TMEM132B: variants seen among roughly 807,000 people sequenced by gnomAD.
TMEM132B encodes transmembrane protein 132B.
In TMEM132B, 18 loss-of-function variants were observed where a neutral mutation model predicts 90.8. The ratio of observed to expected loss-of-function variants is 0.20; its 90% CI spans 0.14 to 0.29. The LOEUF (loss-of-function observed/expected upper bound fraction) is 0.29, where lower values mean the gene tolerates loss of function less well. Among genes scored for constraint, TMEM132B ranks in the 10% least tolerant of loss-of-function variants. The pLI is 1.00. For missense variants in TMEM132B, 1,096 were observed against 1,326.8 expected (o/e 0.83, Z 2.70); for synonymous variants, 504 against 523.3 (o/e 0.96, Z 0.50).
At chr12:125,326,560 C>G (rs538645943) in intron 1 of TMEM132B, 1 of 1,546,588 alleles carries the variant, frequency 6.5e-7, no homozygotes. Context: ...GAATTAGGAA[C>G]TGGGGGGTGT....
At chr12:125,380,840 T>G (rs116841372) in intron 2 of TMEM132B, among the ~76,000 whole-genome samples, 1 of 152,332 alleles carries the variant, frequency 6.6e-6, no homozygotes, top group East Asian at 1.9e-4. Context: ...GTGACCCTGA[T>G]CCCTGGTTCT....
At chr12:125,295,864 A>G (rs546138398) in intron 1 of TMEM132B, among the ~76,000 whole-genome samples, 1 of 152,352 alleles carries the variant, frequency 6.6e-6, no homozygotes, top group African/African-American at 2.4e-5. Flanking sequence ...AAAACGATGC[A>G]TAACACAATC....
At chr12:125,508,490 G>GA (rs1231106842) in intron 3 of TMEM132B, among the ~76,000 whole-genome samples, 1 of 152,216 alleles carries the variant, frequency 6.6e-6, no homozygotes, top group Non-Finnish European at 1.5e-5. Context: ...CTGGTAACCA[G>GA]AGTGGCTTTC....
At chr12:125,363,147 A>G (rs1566013936) in intron 2 of TMEM132B, among the ~76,000 whole-genome samples, 2 of 152,230 alleles carry the variant, frequency 1.3e-5, no homozygotes, top group Non-Finnish European at 2.9e-5. Flanking sequence ...TGCTGGCTCA[A>G]ATCCTAACTT....
chr12:125,640,469 A>G (rs1313513614), intron 5 of TMEM132B, among the ~76,000 whole-genome samples: 2 of 152,134 alleles, frequency 1.3e-5, no homozygotes, highest in Non-Finnish European at 2.9e-5. Context: ...AGCTCAGGGG[A>G]GCAGTGAAGA....
intron 3 of TMEM132B, among the ~76,000 whole-genome samples, chr12:125,509,830 A>C (rs906790331): frequency 1.0e-4 from 15 of 149,694 alleles, no homozygotes; most frequent in Admixed American, 2.1e-4. Context: ...TCAGTCCTGC[A>C]TCCTCCGTGT....
At chr12:125,344,293 G>T (rs994858862) in intron 1 of TMEM132B, among the ~76,000 whole-genome samples, 3 of 152,334 alleles carry the variant, frequency 2.0e-5, no homozygotes, top group African/African-American at 7.2e-5. Flanking sequence ...AAGGGAATTA[G>T]TTACTCTGGT....
At chr12:125,296,391 A>G (rs1371596603) in intron 1 of TMEM132B, among the ~76,000 whole-genome samples, 1 of 152,192 alleles carries the variant, frequency 6.6e-6, no homozygotes, top group Non-Finnish European at 1.5e-5. Flanking sequence ...GTCTCTGCCC[A>G]GATCCCGTCT....
intron 4 of TMEM132B, among the ~76,000 whole-genome samples, chr12:125,559,200 T>C (rs1884462228): frequency 2.6e-5 from 4 of 152,108 alleles, no homozygotes; most frequent in Admixed American, 1.3e-4. Context: ...ACCCTCTCTC[T>C]ACAAAAAATT....
At chr12:125,402,217 T>A (rs1484346450) in intron 2 of TMEM132B, among the ~76,000 whole-genome samples, 1 of 152,218 alleles carries the variant, frequency 6.6e-6, no homozygotes, top group Non-Finnish European at 1.5e-5. Context: ...TGAGATGGAA[T>A]CTTGCTCTGT....
At chr12:125,386,313 A>G (rs1479578629) in intron 2 of TMEM132B, among the ~76,000 whole-genome samples, 1 of 152,166 alleles carries the variant, frequency 6.6e-6, no homozygotes, top group Non-Finnish European at 1.5e-5. Flanking sequence ...ATGCAGCAAG[A>G]GTCTAGATGG....
chr12:125,215,257 G>A (rs1873408228), intron 1 of TMEM132B, among the ~76,000 whole-genome samples: 1 of 152,184 alleles, frequency 6.6e-6, no homozygotes, highest in South Asian at 2.1e-4. Context: ...TGCAACATAG[G>A]GGCTTCAAAT....
intron 1 of TMEM132B, among the ~76,000 whole-genome samples, chr12:125,199,339 G>C (rs1050045296): frequency 6.6e-6 from 1 of 152,184 alleles, no homozygotes; most frequent in Admixed American, 6.5e-5. Context: ...CCAAGAATGC[G>C]TTGGATATCT....
chr12:125,416,018 C>T lies in TMEM132B; in HGVS notation c.1106+341C>T, dbSNP rs1002947412. The stretch of plus-strand genomic sequence containing the variant: ...AGGGTAGCTTTAGCTATTGGACATT[C>T]GTCCCTTAGTGCTTAAATATAGTTA... On this transcript the variant is annotated intron_variant, in intron 3 of 8. Transcript: ENST00000682704. Among the ~76,000 whole-genome samples, 6 of 152,280 alleles carry T rather than the reference C, an allele frequency of 3.9e-5. No individual in the cohort carries two copies. The South Asian group carries it at 6.2e-4, about 16-fold the overall frequency.
At chr12:125,567,222 C>T (rs1884679855) in intron 4 of TMEM132B, among the ~76,000 whole-genome samples, 2 of 152,180 alleles carry the variant, frequency 1.3e-5, no homozygotes, top group Non-Finnish European at 2.9e-5. Flanking sequence ...CTCCATTTGT[C>T]CATGGCCCTC....
chr12:125,554,148 G>A (rs1884308785), intron 4 of TMEM132B, among the ~76,000 whole-genome samples: 1 of 151,992 alleles, frequency 6.6e-6, no homozygotes, highest in Non-Finnish European at 1.5e-5. Context: ...AGTAGGCCGG[G>A]CGCGGTGGCT....
intron 4 of TMEM132B, among the ~76,000 whole-genome samples, chr12:125,553,109 T>C (rs1884277369): frequency 6.6e-6 from 1 of 152,222 alleles, no homozygotes; most frequent in African/African-American, 2.4e-5. Context: ...TGTACCCAAA[T>C]TGGTATATTA....
chr12:125,440,643 T>G (rs1482420439), intron 3 of TMEM132B, among the ~76,000 whole-genome samples: 1 of 152,216 alleles, frequency 6.6e-6, no homozygotes, highest in Non-Finnish European at 1.5e-5. Context: ...CTGAACTGTT[T>G]AAACATGTGA....
At chr12:125,580,132 G>A (rs1885019146) in intron 4 of TMEM132B, among the ~76,000 whole-genome samples, 1 of 152,096 alleles carries the variant, frequency 6.6e-6, no homozygotes, top group Non-Finnish European at 1.5e-5. Context: ...TGAAAGCTTA[G>A]GTCTATTCTC....
Sources: gnomAD v4.1 joint callset for allele counts (sites outside exome capture counted in the v4.1 genomes callset) on GRCh38, gnomAD v4.1.1 for gene constraint, MANE v1.5 for transcripts, NCBI Gene and HGNC (gene_info 2026-07-23, HGNC 2026-07-21) for gene names.